The following MIR2052HG variants were observed in gnomAD, a reference collection of about 807,000 sequenced individuals.
MIR2052HG encodes the protein MIR2052 host gene.
At chr8:74,690,745 C>A in intron 2 of MIR2052HG, among the ~76,000 whole-genome samples, 1 of 151,982 alleles carries the variant, frequency 6.6e-6, no homozygotes. Flanking sequence ...TCTTGAGGAG[C>A]CTTCTATACC....
chr8:74,712,356 C>G (rs776578046), intron 4 of MIR2052HG, among the ~76,000 whole-genome samples: 2 of 152,076 alleles, frequency 1.3e-5, no homozygotes, highest in Non-Finnish European at 2.9e-5. Context: ...GCCTGGTTTT[C>G]AAATGCCCAT....
intron 2 of MIR2052HG, among the ~76,000 whole-genome samples, chr8:74,637,003 C>T (rs975960523): frequency 3.9e-5 from 6 of 152,012 alleles, no homozygotes. Flanking sequence ...ATAAAGAACT[C>T]ATAATATAAT....
At position 74,752,187 on chromosome 8, in the gene MIR2052HG, TG is replaced by T. The variant is rs1373909713; in HGVS notation, n.372-251del. On this transcript the variant is annotated intron_variant and non_coding_transcript_variant, in intron 4 of 6. Transcript: ENST00000523442. ...GACCCAGCTAGGTGAGGGGCTGAGA[TG>T]GGAGGATTTCCTCAGCCTGGGAGGT... 2.8e-4 allele frequency among the ~76,000 whole-genome samples: 41 copies of T among 147,608 alleles called. No individual in the cohort carries two copies. The Admixed American group carries it at 2.8e-3, about 10-fold the overall frequency.
intron 4 of MIR2052HG, among the ~76,000 whole-genome samples, chr8:74,716,235 G>T (rs891678093): frequency 2.6e-5 from 4 of 152,136 alleles, no homozygotes; most frequent in African/African-American, 9.7e-5. Flanking sequence ...AATCTCTAAC[G>T]TAGGGAGAAA....
At chr8:74,695,445 T>C (rs1373028878) in intron 2 of MIR2052HG, among the ~76,000 whole-genome samples, 1 of 152,048 alleles carries the variant, frequency 6.6e-6, no homozygotes, top group East Asian at 1.9e-4. Context: ...ATGAATAGAA[T>C]AGTACGTCAC....
At chr8:74,725,952 G>T (rs1172737466) in intron 4 of MIR2052HG, among the ~76,000 whole-genome samples, 2 of 152,094 alleles carry the variant, frequency 1.3e-5, no homozygotes, top group Non-Finnish European at 2.9e-5. Context: ...GATACACTTT[G>T]GGAGGCTGAG....
At chr8:74,746,567 AGTGTGT>A (rs72103010) in intron 4 of MIR2052HG, among the ~76,000 whole-genome samples, 3,672 of 147,624 alleles carry the variant, frequency 0.025, 79 homozygotes, top group Middle Eastern at 0.072. Context: ...GAGGAGAAGA[AGTGTGT>A]GTGTGTGTGT....
intron 2 of MIR2052HG, among the ~76,000 whole-genome samples, chr8:74,687,139 A>G (rs895513640): frequency 1.3e-5 from 2 of 152,166 alleles, no homozygotes; most frequent in African/African-American, 4.8e-5. Flanking sequence ...AATCAAAACT[A>G]TGAGAATTTA....
At chr8:74,752,587 G>T in intron 5 of MIR2052HG, 1 of 442,880 alleles carries the variant, frequency 2.3e-6, no homozygotes, top group South Asian at 1.6e-5. Flanking sequence ...CAATATTTAT[G>T]TACTGTGGTT....
At chr8:74,726,801 CAG>C (rs1217972503) in intron 4 of MIR2052HG, among the ~76,000 whole-genome samples, 1 of 151,818 alleles carries the variant, frequency 6.6e-6, no homozygotes, top group Non-Finnish European at 1.5e-5. Flanking sequence ...CGTGTAGATA[CAG>C]AGTCTTGTTG....
At chr8:74,703,175 G>A (rs969148495) in intron 3 of MIR2052HG, among the ~76,000 whole-genome samples, 8 of 152,126 alleles carry the variant, frequency 5.3e-5, no homozygotes, top group South Asian at 4.1e-4. Flanking sequence ...TGTTGGTAGC[G>A]TAAGAGTACA....
intron 2 of MIR2052HG, among the ~76,000 whole-genome samples, chr8:74,686,029 C>A (rs1809177309): frequency 6.6e-6 from 1 of 151,834 alleles, no homozygotes; most frequent in Non-Finnish European, 1.5e-5. Flanking sequence ...ATGATAACTG[C>A]TCTGCTTATA....
intron 5 of MIR2052HG, chr8:74,757,319 G>A (rs955628519): frequency 6.6e-6 from 1 of 152,224 alleles, no homozygotes; most frequent in African/African-American, 2.4e-5. Context: ...ACTGGCTTCA[G>A]ACAGAGCCTT....
At chr8:74,688,403 C>G (rs1346355200) in intron 2 of MIR2052HG, among the ~76,000 whole-genome samples, 2 of 152,134 alleles carry the variant, frequency 1.3e-5, no homozygotes, top group Non-Finnish European at 2.9e-5. Context: ...AAGAACTAAT[C>G]ATTTAATGTA....
At chr8:74,689,282 T>C (rs759562838) in intron 2 of MIR2052HG, among the ~76,000 whole-genome samples, 6 of 152,216 alleles carry the variant, frequency 3.9e-5, no homozygotes, top group Non-Finnish European at 8.8e-5. Context: ...TCTTAAGTAA[T>C]AAACAACCAT....
At chr8:74,632,281 C>T (rs1477546343) in intron 2 of MIR2052HG, among the ~76,000 whole-genome samples, 1 of 152,252 alleles carries the variant, frequency 6.6e-6, no homozygotes, top group Non-Finnish European at 1.5e-5. Context: ...CCAAGACTCT[C>T]GCCAGGGAGA....
intron 2 of MIR2052HG, among the ~76,000 whole-genome samples, chr8:74,679,588 C>T (rs900715472): frequency 6.6e-5 from 10 of 150,996 alleles, no homozygotes; most frequent in African/African-American, 9.8e-5. Flanking sequence ...TGCAGTGTCA[C>T]GATCTCGGCT....
chr8:74,654,777 G>A (rs1808787317), intron 2 of MIR2052HG, among the ~76,000 whole-genome samples: 1 of 152,178 alleles, frequency 6.6e-6, no homozygotes, highest in South Asian at 2.1e-4. Context: ...TTCCTGAGAA[G>A]ATACCCGAAA....
At chr8:74,695,622 T>G (rs1300467648) in intron 2 of MIR2052HG, among the ~76,000 whole-genome samples, 1 of 152,018 alleles carries the variant, frequency 6.6e-6, no homozygotes, top group Non-Finnish European at 1.5e-5. Context: ...AAAATGTTAT[T>G]CCATGCAAAT....
Sources: allele counts gnomAD v4.1 joint callset (sites outside exome capture counted in the v4.1 genomes callset), GRCh38; gene constraint gnomAD v4.1.1; transcripts MANE v1.5; gene names NCBI Gene and HGNC (gene_info 2026-07-23, HGNC 2026-07-21).